Variants in LRRK1 observed in about 807,000 individuals in gnomAD.
LRRK1 encodes leucine rich repeat kinase 1.
LRRK1 carries 113 observed loss-of-function variants against 209.1 expected under a neutral mutation model. The ratio of observed to expected loss-of-function variants is 0.54; its 90% confidence interval spans 0.46 to 0.63. The LOEUF (loss-of-function observed/expected upper bound fraction) is 0.63, where lower values mean the gene tolerates loss of function less well. LRRK1 is among the 30% of genes least tolerant of loss of function. The probability of loss-of-function intolerance (pLI) is 0.00; values close to 1 mark genes in which losing one functional copy is unlikely to be tolerated. For missense variants in LRRK1, 2,284 were observed against 2,632.2 expected (o/e 0.87, Z 2.89); for synonymous variants, 1,144 against 1,099.7 (o/e 1.04, Z -0.80).
In LRRK1 at chr15:100,943,733, G is replaced by A. The variant is rs113936699; in HGVS notation, c.97+19004G>A. Among the ~76,000 whole-genome samples, 605 of 150,406 alleles carry A rather than the reference G, an allele frequency of 4.0e-3. 4 individuals carry two copies. Among genetic ancestry groups the A allele is most frequent in the African/African-American group, 0.012 (482 of 40,806 alleles). ...TTTTTTGTCACTCAGGCAGGAGTGC[G>A]ATGGTGTGATCTCGGCTCACTGCAA... On this transcript the variant is annotated intron_variant, in intron 2 of 33. Transcript: ENST00000388948.
At chr15:100,981,932 G>T (rs1393409189) in intron 3 of LRRK1, among the ~76,000 whole-genome samples, 6 of 152,250 alleles carry the variant, frequency 3.9e-5, no homozygotes, top group Non-Finnish European at 7.3e-5. Context: ...GTCGGGGGCT[G>T]TTTATGCATA....
intron 4 of LRRK1, 57 bp downstream of exon 4, chr15:100,983,756 T>A (rs765631844): frequency 1.9e-5 from 29 of 1,516,202 alleles, no homozygotes; most frequent in Non-Finnish European, 2.7e-5. Flanking sequence ...TTCTTAGGCT[T>A]CACCCCAAAA....
intron 2 of LRRK1, among the ~76,000 whole-genome samples, chr15:100,950,982 A>G (rs1017780199): frequency 4.6e-5 from 7 of 152,296 alleles, no homozygotes; most frequent in Non-Finnish European, 7.4e-5. Context: ...GGGCGCCTGT[A>G]GTCCCAGCTA....
Position 101,021,968 on chromosome 15 carries a change from C to A in LRRK1, c.1852+11C>A. On this transcript the variant is annotated intron_variant, in intron 14 of 33. Coordinates refer to ENST00000388948, the MANE Select transcript of LRRK1 (RefSeq NM_024652.6). ...AAATCCAAAAAGAAGGTAGGGCTTC[C>A]GCAGCCCTGTCCCCTGCCATCACCT... 1 of 1,565,998 alleles carries A rather than the reference C, an allele frequency of 6.4e-7. No homozygotes were observed. The highest frequency in any genetic ancestry group is 8.8e-7 in the Non-Finnish European group (1 of 1,136,824).
intron 21 of LRRK1, 32 bp from the exon 22 acceptor site, chr15:101,048,462 T>C (rs780373987): frequency 6.3e-7 from 1 of 1,590,406 alleles, no homozygotes; most frequent in South Asian, 1.2e-5. Flanking sequence ...GAGCCCAGAA[T>C]ACTTAAGCAG....
At chr15:101,033,793 T>G (rs541229440) in intron 20 of LRRK1, among the ~76,000 whole-genome samples, 5 of 152,350 alleles carry the variant, frequency 3.3e-5, no homozygotes, top group East Asian at 3.9e-4. Flanking sequence ...CTAGTGGGAT[T>G]GCTGGATTGT....
At chr15:100,993,180 C>T (rs11858954) in intron 6 of LRRK1, among the ~76,000 whole-genome samples, 30,092 of 152,126 alleles carry the variant, frequency 0.2, 3,705 homozygotes, top group South Asian at 0.3. Flanking sequence ...AAGCCTGGCA[C>T]GTAGCAAACG....
chr15:100,928,557 A>G (rs897423694), intron 2 of LRRK1, among the ~76,000 whole-genome samples: 1 of 152,210 alleles, frequency 6.6e-6, no homozygotes, highest in African/African-American at 2.4e-5. Context: ...CAGCTTTCTC[A>G]TGCTTTAAAA....
At chr15:101,016,858 G>A in intron 12 of LRRK1, among the ~76,000 whole-genome samples, 1 of 152,216 alleles carries the variant, frequency 6.6e-6, no homozygotes, top group East Asian at 1.9e-4. Flanking sequence ...AGGTTGCACA[G>A]GGGCTCGTGG....
chr15:100,966,634 C>G (rs79599780), intron 2 of LRRK1, among the ~76,000 whole-genome samples: 4,037 of 152,320 alleles, frequency 0.027, 195 homozygotes, highest in African/African-American at 0.093. Flanking sequence ...TACGCATTAA[C>G]TGGTGCCTTT....
intron 2 of LRRK1, among the ~76,000 whole-genome samples, chr15:100,948,922 A>G (rs1483722251): frequency 6.6e-6 from 1 of 152,184 alleles, no homozygotes; most frequent in Non-Finnish European, 1.5e-5. Flanking sequence ...TGTAAAAAAG[A>G]AGAAAGATCT....
intron 6 of LRRK1, among the ~76,000 whole-genome samples, chr15:100,990,814 T>C (rs191615706): frequency 1.3e-5 from 2 of 152,184 alleles, no homozygotes; most frequent in Admixed American, 6.5e-5. Flanking sequence ...TTTTGTTATC[T>C]TTTGTGATAG....
At chr15:101,009,989 G>T (rs1428736392) in intron 7 of LRRK1, among the ~76,000 whole-genome samples, 2 of 152,230 alleles carry the variant, frequency 1.3e-5, no homozygotes, top group Non-Finnish European at 2.9e-5. Flanking sequence ...AGTCAAGAAT[G>T]TTGGAAAGAG....
At chr15:101,061,659 C>G (rs1403745877) in intron 30 of LRRK1, among the ~76,000 whole-genome samples, 1 of 152,236 alleles carries the variant, frequency 6.6e-6, no homozygotes, top group African/African-American at 2.4e-5. Context: ...AGGGAAGTCA[C>G]TAGAAGGCCC....
chr15:101,025,643 C>T (rs995950321), intron 16 of LRRK1, among the ~76,000 whole-genome samples: 4 of 152,144 alleles, frequency 2.6e-5, no homozygotes, highest in Non-Finnish European at 5.9e-5. Flanking sequence ...GGAAGAGGAG[C>T]CAGCCTCCTT....
intron 12 of LRRK1, among the ~76,000 whole-genome samples, chr15:101,015,891 G>C (rs1302640686): frequency 1.3e-5 from 2 of 152,150 alleles, no homozygotes; most frequent in African/African-American, 2.4e-5. Flanking sequence ...GAGGGTGCCA[G>C]CACTGTCAGG....
In LRRK1 at chr15:101,073,835, A is replaced by G. The variant is rs1261101507; in HGVS notation, c.*4987A>G. ...TCTCCATTCCTCCTTCTTCTCCCTT[A>G]GCCTATGTTCTCAAAAACTTAAAAC... On this transcript the variant is annotated 3_prime_UTR_variant, in exon 34 of 34. Coordinates refer to ENST00000388948, the MANE Select transcript of LRRK1 (RefSeq NM_024652.6). 6.6e-6 allele frequency: 1 copy of G among 151,930 alleles called. No homozygotes were observed. The highest frequency in any genetic ancestry group is 1.9e-4 in the East Asian group (1 of 5,184). The allele number at this position is 151,930 out of a possible 1,614,324, so 9.4% of individuals were successfully genotyped here.
Position 101,022,240 on chromosome 15 carries a change from T to A in LRRK1, c.1853-143T>A. 1 of 830,440 alleles carries A rather than the reference T, an allele frequency of 1.2e-6. No homozygotes were observed. Among genetic ancestry groups the A allele is most frequent in the Non-Finnish European group, 1.9e-6 (1 of 521,718 alleles). 51.4% of individuals were successfully genotyped at this position (830,440 alleles called of 1,614,324 possible). On this transcript the variant is annotated intron_variant, in intron 14 of 33. Coordinates refer to ENST00000388948, the MANE Select transcript of LRRK1 (RefSeq NM_024652.6). The surrounding 1 kb of genome is among the most constrained non-coding windows in gnomAD (Gnocchi z 4.0). ...CTTTTAGGGTGGTTAGTGTCATGCC[T>A]TCCCTCCCCCTGATCCAGTAGTCTT...
chr15:100,941,404 G>GTGTGTGTCTGTGTGTATGTGTC (rs1567190972), intron 2 of LRRK1, among the ~76,000 whole-genome samples: 1 of 118,676 alleles, frequency 8.4e-6, no homozygotes, highest in African/African-American at 5.1e-5. Flanking sequence ...GTGTGTCTGT[G>GTGTGTGTCTGTGTGTATGTGTC]TGTGTCTCTG....
Sources: allele counts gnomAD v4.1 joint callset (sites outside exome capture counted in the v4.1 genomes callset), GRCh38; gene constraint gnomAD v4.1.1; non-coding constraint Gnocchi (gnomAD v3.1); transcripts MANE v1.5; gene names NCBI Gene and HGNC (gene_info 2026-07-23, HGNC 2026-07-21).